STAC: variants seen among roughly 807,000 people sequenced by gnomAD.
STAC encodes SH3 and cysteine rich domain.
In STAC, 43 loss-of-function variants were observed where a neutral mutation model predicts 48.8. That is an observed-to-expected ratio of 0.88 (90% CI 0.69 to 1.14). The LOEUF is 1.14. Among genes scored for constraint, STAC ranks in the 50% most tolerant of loss-of-function variants. The probability of loss-of-function intolerance (pLI) is 0.00; values close to 1 mark genes in which losing one functional copy is unlikely to be tolerated. For synonymous variants in STAC, 193 were observed against 179.5 expected (o/e 1.07, Z -0.60); for missense variants, 497 against 504.0 (o/e 0.99, Z 0.13).
At position 36,546,790 on chromosome 3, in the gene STAC, C is replaced by T. The variant is rs138594030; in HGVS notation, c.*501C>T. ...CATCAGAAAGACCTGCTTCCCAGCC[C>T]CCAGCATTCCAGTGCTCTCCAGGCT... On this transcript the variant is annotated 3_prime_UTR_variant, in exon 11 of 11. Coordinates refer to ENST00000273183, the MANE Select transcript of STAC (RefSeq NM_003149.3). 6.3e-6 allele frequency: 1 copy of T among 158,218 alleles called. No homozygotes were observed. The highest frequency in any genetic ancestry group is 1.8e-4 in the East Asian group (1 of 5,412). The allele number at this position is 158,218 out of a possible 1,614,324, so 9.8% of individuals were successfully genotyped here. A position where few individuals can be genotyped will look rare whatever the true frequency, so the allele number is the denominator to read the frequency against.
At chr3:36,527,895 T>A (rs577585962) in intron 8 of STAC, among the ~76,000 whole-genome samples, 1 of 152,168 alleles carries the variant, frequency 6.6e-6, no homozygotes, top group Non-Finnish European at 1.5e-5. Context: ...TACACCAGCA[T>A]AAAAGATGGC....
intron 8 of STAC, among the ~76,000 whole-genome samples, chr3:36,523,288 G>A (rs1053083171): frequency 1.3e-5 from 2 of 152,142 alleles, no homozygotes; most frequent in African/African-American, 2.4e-5. Flanking sequence ...CTTCCTCTGG[G>A]CCTATGGCAA....
chr3:36,496,824 A>G (rs748876192), intron 6 of STAC, among the ~76,000 whole-genome samples: 3 of 152,216 alleles, frequency 2.0e-5, no homozygotes, highest in Non-Finnish European at 4.4e-5. Context: ...AATGCCAAAT[A>G]ATAATGTTAT....
chr3:36,459,268 C>T (rs1696935326), intron 2 of STAC: 1 of 152,058 alleles, frequency 6.6e-6, no homozygotes, highest in South Asian at 2.1e-4. Context: ...CATAAAAACA[C>T]CTGAACCAAA....
At chr3:36,396,711 T>A (rs1183180961) in intron 1 of STAC, among the ~76,000 whole-genome samples, 1 of 152,226 alleles carries the variant, frequency 6.6e-6, no homozygotes, top group South Asian at 2.1e-4. Context: ...CATTCCCATA[T>A]AATAACAGCG....
chr3:36,503,060 T>C (rs1191647277), intron 6 of STAC, among the ~76,000 whole-genome samples: 1 of 152,208 alleles, frequency 6.6e-6, no homozygotes, highest in Non-Finnish European at 1.5e-5. Flanking sequence ...GTCAGTGCAC[T>C]AATGAAATAG....
intron 2 of STAC, among the ~76,000 whole-genome samples, chr3:36,469,939 T>C (rs1291361300): frequency 6.6e-6 from 1 of 152,206 alleles, no homozygotes. Flanking sequence ...TCATTTATGC[T>C]ACCTATTTCA....
chr3:36,524,356 G>A (rs1698876946), intron 8 of STAC, among the ~76,000 whole-genome samples: 1 of 152,120 alleles, frequency 6.6e-6, no homozygotes, highest in Admixed American at 6.5e-5. Context: ...CACTTTGGGA[G>A]GCTAAGGCAG....
chr3:36,538,389 G>A (rs1055594951), intron 10 of STAC, among the ~76,000 whole-genome samples: 2 of 152,148 alleles, frequency 1.3e-5, no homozygotes, highest in Admixed American at 6.6e-5. Flanking sequence ...TAGTCTAGAT[G>A]TACAGGAATG....
intron 2 of STAC, among the ~76,000 whole-genome samples, chr3:36,470,196 T>A (rs962235024): frequency 6.6e-6 from 1 of 152,236 alleles, no homozygotes; most frequent in Non-Finnish European, 1.5e-5. Flanking sequence ...TTGAGTAGAC[T>A]ATGTCAGAGG....
intron 6 of STAC, among the ~76,000 whole-genome samples, chr3:36,495,404 G>T (rs1698122137): frequency 6.6e-6 from 1 of 152,144 alleles, no homozygotes; most frequent in Non-Finnish European, 1.5e-5. Context: ...CACACATTCA[G>T]ACTGGCTCTT....
intron 1 of STAC, among the ~76,000 whole-genome samples, chr3:36,435,523 GA>G (rs150618934): frequency 9.5e-5 from 14 of 147,342 alleles, no homozygotes; most frequent in East Asian, 2.0e-4. Context: ...AAACATGACA[GA>G]AAAAAAAAAC....
Position 36,528,757 on chromosome 3 carries a change from C to T in STAC, c.972+10C>T, listed in dbSNP as rs775182793. 6.2e-7 allele frequency: 1 copy of T among 1,601,706 alleles called. No homozygotes were observed. ...TGAAGACTGGTGGAAAGTAAGTGTT[C>T]CTCTTTCTTTAAAAAAAAAAGAGAA... On this transcript the variant is annotated intron_variant, in intron 9 of 10. Coordinates refer to ENST00000273183, the MANE Select transcript of STAC (RefSeq NM_003149.3).
At chr3:36,498,088 T>C (rs906195574) in intron 6 of STAC, among the ~76,000 whole-genome samples, 1 of 152,184 alleles carries the variant, frequency 6.6e-6, no homozygotes, top group African/African-American at 2.4e-5. Context: ...ACCAACTTTA[T>C]GGTCAGATTT....
chr3:36,413,036 G>A (rs959404394), intron 1 of STAC, among the ~76,000 whole-genome samples: 1 of 152,158 alleles, frequency 6.6e-6, no homozygotes, highest in Non-Finnish European at 1.5e-5. Context: ...TGTGGTCTGA[G>A]AGACAGTTTG....
chr3:36,534,525 TC>T (rs1449508818), intron 10 of STAC, among the ~76,000 whole-genome samples: 1 of 152,124 alleles, frequency 6.6e-6, no homozygotes, highest in Non-Finnish European at 1.5e-5. Flanking sequence ...GCAATGCACA[TC>T]TTTGATTAAA....
chr3:36,477,805 C>T (rs895016491), intron 2 of STAC, among the ~76,000 whole-genome samples: 1 of 152,100 alleles, frequency 6.6e-6, no homozygotes, highest in Non-Finnish European at 1.5e-5. Flanking sequence ...TCAAATGCCC[C>T]GGGAAGAACT....
chr3:36,410,544 T>C (rs950997545), intron 1 of STAC, among the ~76,000 whole-genome samples: 1 of 152,210 alleles, frequency 6.6e-6, no homozygotes, highest in Non-Finnish European at 1.5e-5. Context: ...CCCACTGCCA[T>C]TGATCAGGTT....
intron 2 of STAC, among the ~76,000 whole-genome samples, chr3:36,452,846 G>A (rs558749884): frequency 5.3e-5 from 8 of 152,308 alleles, no homozygotes; most frequent in African/African-American, 1.7e-4. Context: ...AGGAGCCCCT[G>A]CCACTATAAG....
Sources: allele counts gnomAD v4.1 joint callset (sites outside exome capture counted in the v4.1 genomes callset), GRCh38; gene constraint gnomAD v4.1.1; transcripts MANE v1.5; gene names NCBI Gene and HGNC (gene_info 2026-07-23, HGNC 2026-07-21).